The following ZC4H2 variants were observed in gnomAD, a reference collection of about 807,000 sequenced individuals.
ZC4H2 encodes the protein zinc finger C4H2-type containing, also known as zinc finger C4H2 domain-containing protein.
For synonymous variants in ZC4H2, 84 were observed against 66.3 expected (o/e 1.27, Z -1.30); for missense variants, 137 against 173.9 (o/e 0.79, Z 1.19).
At chrX:64,950,712 C>T (rs1383375978) in intron 1 of ZC4H2, among the ~76,000 whole-genome samples, 1 of 110,970 alleles carries the variant, frequency 9.0e-6, no homozygotes, top group Non-Finnish European at 1.9e-5. Flanking sequence ...AGATCTTCCT[C>T]CATCCCTTTA....
chrX:65,017,495 T>C (rs1200925031), intron 1 of ZC4H2, among the ~76,000 whole-genome samples: 1 of 112,392 alleles, frequency 8.9e-6, no homozygotes, highest in East Asian at 2.8e-4. Context: ...AAAGTTAAAA[T>C]TTCATGCTGA....
At chrX:65,003,981 A>T (rs1932606495) in intron 1 of ZC4H2, among the ~76,000 whole-genome samples, 1 of 112,124 alleles carries the variant, frequency 8.9e-6, no homozygotes, top group Non-Finnish European at 1.9e-5. Context: ...AAACTAGAAA[A>T]TCTAGAAGAA....
At chrX:64,979,054 T>A (rs1932032791), upstream of ZC4H2, among the ~76,000 whole-genome samples, 1 of 111,890 alleles carries the variant, frequency 8.9e-6, no homozygotes, top group Non-Finnish European at 1.9e-5. Context: ...GATTTGGTAA[T>A]AATTTGGGAA....
intron 1 of ZC4H2, among the ~76,000 whole-genome samples, chrX:64,960,694 T>C (rs1345654807): frequency 8.9e-6 from 1 of 112,131 alleles, no homozygotes; most frequent in Non-Finnish European, 1.9e-5. Flanking sequence ...ATTTCTGGCA[T>C]CCATTCACAC....
At chrX:64,954,124 C>T (rs1194701124) in intron 1 of ZC4H2, among the ~76,000 whole-genome samples, 4 of 103,296 alleles carry the variant, frequency 3.9e-5, no homozygotes, top group African/African-American at 1.5e-4. Context: ...ACAATGAGAT[C>T]ACATGGACGC....
intron 1 of ZC4H2, among the ~76,000 whole-genome samples, chrX:64,974,318 A>G (rs985460114): frequency 4.5e-5 from 5 of 111,922 alleles, no homozygotes; most frequent in Non-Finnish European, 9.4e-5. Flanking sequence ...GAGATTTTCT[A>G]CATTATCATT....
chrX:64,951,939 A>T (rs1290677010), intron 1 of ZC4H2, among the ~76,000 whole-genome samples: 1 of 111,464 alleles, frequency 9.0e-6, no homozygotes, highest in East Asian at 2.8e-4. Context: ...TTTAGGTCTA[A>T]CGTTTAAGTC....
upstream of ZC4H2, among the ~76,000 whole-genome samples, chrX:64,981,075 C>T (rs930711258): frequency 1.7e-4 from 19 of 108,779 alleles, no homozygotes; most frequent in Admixed American, 1.9e-3. Flanking sequence ...AACGAATAGC[C>T]GGTGCAATGG....
At chrX:65,032,927 C>A (rs1932954287) in intron 1 of ZC4H2, among the ~76,000 whole-genome samples, 1 of 111,501 alleles carries the variant, frequency 9.0e-6, no homozygotes, top group Non-Finnish European at 1.9e-5. Context: ...CAGGCAAGTG[C>A]CACCACGCCT....
In ZC4H2 at chrX:65,003,784, G is replaced by A. The variant is rs769242321; in HGVS notation, c.-272+30845C>T. ...CCCAGCTACTTGGGAGGCTGAGGCA[G>A]GAGAATGGCGTGAACCCCGGAGGCA... On this transcript the variant is annotated intron_variant, in intron 1 of 4. Coordinates refer to the ZC4H2 transcript ENST00000337990. 1.4e-3 allele frequency among the ~76,000 whole-genome samples: 148 copies of A among 109,582 alleles called. 1 individual carries two copies. Among genetic ancestry groups the A allele is most frequent in the African/African-American group, 4.8e-3 (145 of 30,032 alleles).
At chrX:64,920,796 T>G (rs1356262240) in intron 2 of ZC4H2, among the ~76,000 whole-genome samples, 1 of 112,483 alleles carries the variant, frequency 8.9e-6, no homozygotes, top group Non-Finnish European at 1.9e-5. Flanking sequence ...AACTCAGAAA[T>G]GCATATTCTT....
At chrX:64,955,424 A>G (rs1293843450) in intron 1 of ZC4H2, among the ~76,000 whole-genome samples, 1 of 111,598 alleles carries the variant, frequency 9.0e-6, no homozygotes, top group East Asian at 2.8e-4. Context: ...TCTAGAACCC[A>G]AAAATTGGAT....
intron 3 of ZC4H2, chrX:64,919,874 C>A: frequency 2.7e-6 from 1 of 364,324 alleles, no homozygotes; most frequent in Non-Finnish European, 4.7e-6. Context: ...TTTAATAATC[C>A]TCCTTCTGTT....
chrX:64,954,365 TA>T (rs1931055835), intron 1 of ZC4H2, among the ~76,000 whole-genome samples: 1 of 75,475 alleles, frequency 1.3e-5, no homozygotes, highest in Non-Finnish European at 2.2e-5. Flanking sequence ...ATTATATATA[TA>T]TATATAATTA....
intron 1 of ZC4H2, among the ~76,000 whole-genome samples, chrX:64,997,647 G>T (rs1308638683): frequency 3.6e-5 from 4 of 112,029 alleles, no homozygotes; most frequent in Non-Finnish European, 5.6e-5. Flanking sequence ...TTGACCTATT[G>T]CCCAGGATGG....
chrX:64,931,035 C>T (rs946587689), intron 1 of ZC4H2, among the ~76,000 whole-genome samples: 5 of 111,669 alleles, frequency 4.5e-5, no homozygotes, highest in South Asian at 7.4e-4. Context: ...TTCAATCTTG[C>T]TTTTTGTTAT....
upstream of ZC4H2, among the ~76,000 whole-genome samples, chrX:64,980,497 C>G (rs745812164): frequency 4.5e-5 from 5 of 111,678 alleles, no homozygotes; most frequent in African/African-American, 1.6e-4. Context: ...CAGGAGGTAT[C>G]GAGGATTAAT....
chrX:64,939,192 C>T (rs761797110), intron 1 of ZC4H2, among the ~76,000 whole-genome samples: 4 of 111,582 alleles, frequency 3.6e-5, no homozygotes, highest in Non-Finnish European at 7.5e-5. Flanking sequence ...TTCACCATTG[C>T]TACTAAGAGA....
At chrX:64,952,469 G>A (rs966150628) in intron 1 of ZC4H2, among the ~76,000 whole-genome samples, 1 of 110,542 alleles carries the variant, frequency 9.0e-6, no homozygotes, top group Non-Finnish European at 1.9e-5. Context: ...CTTCAGCAAA[G>A]TCTTAGGATA....
Sources: gnomAD v4.1 joint callset for allele counts (sites outside exome capture counted in the v4.1 genomes callset) on GRCh38, gnomAD v4.1.1 for gene constraint, MANE v1.5 for transcripts, NCBI Gene and HGNC (gene_info 2026-07-23, HGNC 2026-07-21) for gene names.